The following FIGN variants were observed in gnomAD, a reference collection of about 807,000 sequenced individuals.
FIGN encodes the protein fidgetin.
In FIGN, 11 loss-of-function variants were observed where a neutral mutation model predicts 51.3. That is an observed-to-expected ratio of 0.21 (90% CI 0.13 to 0.35). The LOEUF (loss-of-function observed/expected upper bound fraction) is 0.35, where lower values mean the gene tolerates loss of function less well. Ranked by LOEUF, FIGN falls within the 10% of genes least tolerant of loss-of-function variation. The pLI is 1.00. For missense variants in FIGN, 857 were observed against 943.6 expected (o/e 0.91, Z 1.20); for synonymous variants, 407 against 363.2 (o/e 1.12, Z -1.37).
intron 2 of FIGN, chr2:163,612,648 A>C (rs955652426): frequency 5.1e-6 from 5 of 982,034 alleles, no homozygotes; most frequent in Non-Finnish European, 4.8e-6. Context: ...CTTCTCTTAT[A>C]ATCCCTCCTC....
intron 2 of FIGN, among the ~76,000 whole-genome samples, chr2:163,636,121 A>G (rs1683221339): frequency 6.6e-6 from 1 of 152,154 alleles, no homozygotes; most frequent in East Asian, 1.9e-4. Flanking sequence ...TTGATATGTT[A>G]GGATCAGTTC....
Position 163,618,312 on chromosome 2 carries a change from T to C in FIGN, c.26-6506A>G, listed in dbSNP as rs1037182729. ...TTATATAACAATACTGTCAAATACT[T>C]TTTTCTCTTTAAATCATATTTTCAC... On this transcript the variant is annotated intron_variant, in intron 2 of 2. Transcript: ENST00000333129. Among the ~76,000 whole-genome samples, 7 of 152,126 alleles carry C rather than the reference T, an allele frequency of 4.6e-5. No homozygotes were observed. In the East Asian group the frequency reaches 1.3e-3, roughly 29 times the overall value.
At chr2:163,682,372 C>T (rs74378104) in intron 2 of FIGN, among the ~76,000 whole-genome samples, 277 of 149,424 alleles carry the variant, frequency 1.9e-3, no homozygotes, top group African/African-American at 6.0e-3. Flanking sequence ...AGTCTATAGC[C>T]GCAGGCAATC....
At chr2:163,615,143 A>G (rs2105302043) in intron 2 of FIGN, among the ~76,000 whole-genome samples, 1 of 152,330 alleles carries the variant, frequency 6.6e-6, no homozygotes, top group African/African-American at 2.4e-5. Flanking sequence ...GGATGTGCTT[A>G]CAAGATAATT....
chr2:163,629,432 A>G (rs1371783292), intron 2 of FIGN, among the ~76,000 whole-genome samples: 2 of 152,154 alleles, frequency 1.3e-5, no homozygotes, highest in Non-Finnish European at 2.9e-5. Flanking sequence ...GGGTTGTGAG[A>G]AAGTGAGATG....
At chr2:163,637,421 G>A (rs566134832) in intron 2 of FIGN, among the ~76,000 whole-genome samples, 1 of 152,116 alleles carries the variant, frequency 6.6e-6, no homozygotes, top group Non-Finnish European at 1.5e-5. Flanking sequence ...TGCTAGCAAA[G>A]GAAATCAAAC....
intron 2 of FIGN, among the ~76,000 whole-genome samples, chr2:163,657,555 T>G (rs1349409049): frequency 6.6e-6 from 1 of 150,656 alleles, no homozygotes; most frequent in African/African-American, 2.5e-5. Flanking sequence ...TATGTTTGGG[T>G]AGAGTTTTCC....
chr2:163,658,799 G>A (rs756685490), intron 2 of FIGN, among the ~76,000 whole-genome samples: 65 of 152,174 alleles, frequency 4.3e-4, no homozygotes, highest in Admixed American at 1.7e-3. Context: ...TTCAACATGC[G>A]ATTAGGCAGG....
At chr2:163,629,947 G>C (rs1012977137) in intron 2 of FIGN, among the ~76,000 whole-genome samples, 2 of 147,134 alleles carry the variant, frequency 1.4e-5, no homozygotes, top group African/African-American at 5.2e-5. Flanking sequence ...GTGAAGAAAG[G>C]GGCACTTTTT....
At chr2:163,636,558 T>G (rs1328023181) in intron 2 of FIGN, among the ~76,000 whole-genome samples, 1 of 152,190 alleles carries the variant, frequency 6.6e-6, no homozygotes, top group Non-Finnish European at 1.5e-5. Context: ...GTGCTGGGAT[T>G]ACAGGCGTGA....
intron 2 of FIGN, among the ~76,000 whole-genome samples, chr2:163,725,638 A>T (rs1001810036): frequency 2.0e-5 from 3 of 152,074 alleles, no homozygotes; most frequent in Non-Finnish European, 4.4e-5. Flanking sequence ...TCCTTACTAG[A>T]TATCTTTAAA....
chr2:163,608,195 A>C lies in FIGN; in HGVS notation c.*1357T>G, dbSNP rs953572206. 1.2e-4 allele frequency: 18 copies of C among 152,676 alleles called. No homozygotes were observed. The highest frequency in any genetic ancestry group is 5.9e-5 in the Non-Finnish European group (4 of 68,046). 9.5% of individuals were successfully genotyped at this position (152,676 alleles called of 1,614,324 possible). On this transcript the variant is annotated 3_prime_UTR_variant, in exon 3 of 3. Coordinates refer to ENST00000333129, the MANE Select transcript of FIGN (RefSeq NM_018086.4). ...CAGCCCAGATTTCAAAATGAGAAGC[A>C]AAATTGCACTGACAAGAGTGGAGTC...
intron 2 of FIGN, among the ~76,000 whole-genome samples, chr2:163,641,221 C>T (rs992357817): frequency 6.6e-6 from 1 of 152,172 alleles, no homozygotes; most frequent in Non-Finnish European, 1.5e-5. Flanking sequence ...CTGTGGATTT[C>T]CCTCAAATTT....
Position 163,660,796 on chromosome 2 carries a change from T to TATACATATATATGTATAC in FIGN, c.26-48991_26-48990insGTATACATATATATGTAT, listed in dbSNP as rs1683649741. Among the ~76,000 whole-genome samples, 4 of 79,456 alleles carry TATACATATATATGTATAC rather than the reference T, an allele frequency of 5.0e-5. 2 individuals carry two copies. In the Admixed American group the frequency reaches 7.1e-4, roughly 14 times the overall value. 52.1% of individuals were successfully genotyped at this position (79,456 alleles called of 152,430 possible). A position where few individuals can be genotyped will look rare whatever the true frequency, so the allele number is the denominator to read the frequency against. On this transcript the variant is annotated intron_variant, in intron 2 of 2. Coordinates refer to ENST00000333129, the MANE Select transcript of FIGN (RefSeq NM_018086.4). ...ATACACATATACATATATATGTATATAGATATACATATATATACATATACA... is the reference window on the plus strand; with the variant it reads ...ATACACATATACATATATATGTATATATACATATATATGTATACAGATATACATATATATACATATACA...
At position 163,631,344 on chromosome 2, in the gene FIGN, G is replaced by C. The variant is rs185886527; in HGVS notation, c.26-19538C>G. On this transcript the variant is annotated intron_variant, in intron 2 of 2. Transcript: ENST00000333129. Reference sequence around the variant, plus strand: ...GGCTTAAGAATTAAAAGCATTTAATGTGTTGATGGATGATGCGAACTTTGT... The same window carrying C: ...GGCTTAAGAATTAAAAGCATTTAATCTGTTGATGGATGATGCGAACTTTGT... Among the ~76,000 whole-genome samples, 4 of 152,322 alleles carry C rather than the reference G, an allele frequency of 2.6e-5. No individual in the cohort carries two copies. The East Asian group carries it at 7.7e-4, about 29-fold the overall frequency.
chr2:163,664,147 C>T (rs941401881), intron 2 of FIGN, among the ~76,000 whole-genome samples: 14 of 152,060 alleles, frequency 9.2e-5, no homozygotes, highest in Non-Finnish European at 2.1e-4. Context: ...GTAGATGAGG[C>T]AAGTGGGTCT....
chr2:163,695,364 T>C (rs1468619220), intron 2 of FIGN, among the ~76,000 whole-genome samples: 2 of 152,110 alleles, frequency 1.3e-5, no homozygotes, highest in African/African-American at 2.4e-5. Context: ...CCCATCTGCA[T>C]CTCTAGCTCA....
intron 2 of FIGN, among the ~76,000 whole-genome samples, chr2:163,693,179 A>G: frequency 6.6e-6 from 1 of 152,124 alleles, no homozygotes; most frequent in Non-Finnish European, 1.5e-5. Flanking sequence ...TCAACCTCTA[A>G]GCAGATTCCA....
chr2:163,734,775 T>G, intron 2 of FIGN, 128 bp downstream of exon 2: 1 of 785,782 alleles, frequency 1.3e-6, no homozygotes, highest in Non-Finnish European at 2.0e-6. Context: ...TAAACATATA[T>G]TTTTTAAAAA....
Sources: allele counts gnomAD v4.1 joint callset (sites outside exome capture counted in the v4.1 genomes callset), GRCh38; gene constraint gnomAD v4.1.1; transcripts MANE v1.5; gene names NCBI Gene and HGNC (gene_info 2026-07-23, HGNC 2026-07-21).